Variants in PCDHGA9 observed in about 807,000 individuals in gnomAD.
The protein encoded by PCDHGA9 is protocadherin gamma-A9.
PCDHGA9 carries 37 observed loss-of-function variants against 62.5 expected under a neutral mutation model. That is an observed-to-expected ratio of 0.59 (90% CI 0.46 to 0.78). The LOEUF (loss-of-function observed/expected upper bound fraction) is 0.78, where lower values mean the gene tolerates loss of function less well. Among genes scored for constraint, PCDHGA9 ranks in the 30% least tolerant of loss-of-function variants. The pLI is 0.00. For missense variants in PCDHGA9, 1,138 were observed against 1,166.2 expected, an observed-to-expected ratio of 0.98 and a Z score of 0.35; for synonymous variants, 459 against 484.6, an observed-to-expected ratio of 0.95 and a Z score of 0.69.
chr5:141,430,369 A>G (rs564811230), intron 1 of PCDHGA9, among the ~76,000 whole-genome samples: 1 of 151,582 alleles, frequency 6.6e-6, no homozygotes, highest in East Asian at 1.9e-4. Flanking sequence ...ATTGGGGAAA[A>G]AAAAGCTCAT....
rs2099710219 is a variant in PCDHGA9, at chr5:141,491,289, C to A, written c.2425-3518C>A. On this transcript the variant is annotated intron_variant, in intron 1 of 3. Transcript: ENST00000573521. The surrounding 1 kb of genome is among the most constrained non-coding windows in gnomAD (Gnocchi z 6.9). The stretch of plus-strand genomic sequence containing the variant: ...CCAAATCCAGTGACTTCCTCATACA[C>A]CCTCCTGAGCGTTCAGACCTTACCC... 1 of 1,614,112 alleles carries A rather than the reference C, an allele frequency of 6.2e-7. No homozygotes were observed. Among genetic ancestry groups the A allele is most frequent in the Non-Finnish European group, 8.5e-7 (1 of 1,179,942 alleles).
rs112731052 is a variant in PCDHGA9 at position 141,457,109 on chromosome 5, A to G, written c.2425-37698A>G. ...TATAAGGATACTAATTAAGCAAAAT[A>G]CGACAGCAATGGAAACTCTGTCCAA... is the stretch of plus-strand genomic sequence containing the variant. On this transcript the variant is annotated intron_variant, in intron 1 of 3. Coordinates refer to ENST00000573521, the MANE Select transcript of PCDHGA9 (RefSeq NM_018921.3). 8.3e-3 allele frequency among the ~76,000 whole-genome samples: 1,258 copies of G among 152,360 alleles called. 17 individuals are homozygous for G. Among genetic ancestry groups the G allele is most frequent in the African/African-American group, 0.029 (1,195 of 41,578 alleles).
At chr5:141,415,132 C>T (rs752622569) in intron 1 of PCDHGA9, 4 of 1,613,696 alleles carry the variant, frequency 2.5e-6, no homozygotes, top group Non-Finnish European at 3.4e-6. Flanking sequence ...CGTCCAGGAC[C>T]ACGGCCAGCC....
At position 141,476,193 on chromosome 5, in the gene PCDHGA9, T is replaced by C. The variant is rs1224461188; in HGVS notation, c.2425-18614T>C. On this transcript the variant is annotated intron_variant, in intron 1 of 3. Coordinates refer to ENST00000573521, the MANE Select transcript of PCDHGA9 (RefSeq NM_018921.3). The surrounding 1 kb of genome is among the most constrained non-coding windows in gnomAD (Gnocchi z 7.6). The stretch of plus-strand genomic sequence containing the variant: ...GGAGTTTTGCTTCTGCTTGGTGCCT[T>C]GAACAAGGCTTCCACGGTCATTCAC... The C allele has an allele frequency of 6.2e-7, 1 of 1,613,812 alleles. No homozygotes were observed. Among genetic ancestry groups the C allele is most frequent in the South Asian group, 1.1e-5 (1 of 91,068 alleles).
chr5:141,468,651 G>C (rs2099171216), intron 1 of PCDHGA9: 1 of 152,018 alleles, frequency 6.6e-6, no homozygotes, highest in African/African-American at 2.4e-5. Context: ...CGGATCACAA[G>C]GTCAGGAGAT....
chr5:141,485,408 T>C lies in PCDHGA9; in HGVS notation c.2425-9399T>C. On this transcript the variant is annotated intron_variant, in intron 1 of 3. Transcript: ENST00000573521. The surrounding 1 kb of genome is among the most constrained non-coding windows in gnomAD (Gnocchi z 5.7). ...GAACCAAAGACACTTCCGTGTGGAT[T>C]TGGACAGCGGAGCCCTGCTCATCAA... 1 of 1,614,112 alleles carries C rather than the reference T, an allele frequency of 6.2e-7. No individual in the cohort carries two copies. Among genetic ancestry groups the C allele is most frequent in the Non-Finnish European group, 8.5e-7 (1 of 1,180,034 alleles).
Position 141,487,082 on chromosome 5 carries a change from G to A in PCDHGA9, c.2425-7725G>A, listed in dbSNP as rs2099639361. On this transcript the variant is annotated intron_variant, in intron 1 of 3. Transcript: ENST00000573521. The surrounding 1 kb of genome is among the most constrained non-coding windows in gnomAD (Gnocchi z 5.0). Reference sequence around the variant, plus strand: ...GCGGACGGCTGTTCCTATCCCAGCTGACCTCCCACCACAGAAGCTGGTCAT... The same window carrying A: ...GCGGACGGCTGTTCCTATCCCAGCTAACCTCCCACCACAGAAGCTGGTCAT... The A allele has an allele frequency of 8.1e-6, 13 of 1,614,056 alleles. No individual in the cohort carries two copies. The highest frequency in any genetic ancestry group is 1.1e-5 in the Non-Finnish European group (13 of 1,179,938).
intron 1 of PCDHGA9, among the ~76,000 whole-genome samples, chr5:141,474,250 A>G (rs2099346141): frequency 6.6e-6 from 1 of 152,236 alleles, no homozygotes; most frequent in East Asian, 1.9e-4. Flanking sequence ...GGGGAAAAAA[A>G]GACTGATAAA....
intron 3 of PCDHGA9, 119 bp downstream of exon 3, chr5:141,505,600 G>T: frequency 1.3e-6 from 2 of 1,554,224 alleles, no homozygotes; most frequent in Middle Eastern, 3.4e-4. Context: ...AGATCTTTCG[G>T]CAGGTCTGAA....
intron 1 of PCDHGA9, chr5:141,478,285 T>G (rs1468354835): frequency 6.2e-7 from 1 of 1,614,040 alleles, no homozygotes; most frequent in Non-Finnish European, 8.5e-7. Context: ...GGAAGCAGTC[T>G]AGAGACCTAT....
Position 141,489,169 on chromosome 5 carries a change from C to T in PCDHGA9, c.2425-5638C>T. On this transcript the variant is annotated intron_variant, in intron 1 of 3. Coordinates refer to ENST00000573521, the MANE Select transcript of PCDHGA9 (RefSeq NM_018921.3). This position sits in a 1 kb window ranked among gnomAD's most constrained non-coding sequence, Gnocchi z 4.5. ...GAGACATAAGAGACTTCAGCTGCTG[C>T]ATTCCAAGCCCTGGGTCTACCTTGG... 3 of 1,124,648 alleles carry T rather than the reference C, an allele frequency of 2.7e-6. No individual in the cohort carries two copies. The highest frequency in any genetic ancestry group is 3.8e-6 in the Non-Finnish European group (3 of 783,910). The allele number at this position is 1,124,648 out of a possible 1,614,324, so 69.7% of individuals were successfully genotyped here. A position where few individuals can be genotyped will look rare whatever the true frequency, so the allele number is the denominator to read the frequency against.
chr5:141,464,824 G>A (rs1329087889), intron 1 of PCDHGA9, among the ~76,000 whole-genome samples: 2 of 151,816 alleles, frequency 1.3e-5, no homozygotes, highest in African/African-American at 2.4e-5. Context: ...CTGTAGCCTC[G>A]CACTCCTGGG....
Position 141,438,625 on chromosome 5 carries a change from TATATATATATACAC to T in PCDHGA9, c.2424+33251_2424+33264del, listed in dbSNP as rs1291649000. Among the ~76,000 whole-genome samples, 88 of 46,398 alleles carry T rather than the reference TATATATATATACAC, an allele frequency of 1.9e-3. 1 individual carries two copies. The highest frequency in any genetic ancestry group is 8.6e-3 in the African/African-American group (72 of 8,380). 30.4% of individuals were successfully genotyped at this position (46,398 alleles called of 152,430 possible). A position where few individuals can be genotyped will look rare whatever the true frequency, so the allele number is the denominator to read the frequency against. ...ATATATATATATATATATATATATATATATATATATACACACACACACACACATATATGTATATA... is the reference window on the plus strand; with the variant it reads ...ATATATATATATATATATATATATATACACACACACACATATATGTATATA... On this transcript the variant is annotated intron_variant, in intron 1 of 3. Transcript: ENST00000573521.
intron 1 of PCDHGA9, among the ~76,000 whole-genome samples, chr5:141,483,459 G>A (rs1214951485): frequency 6.6e-6 from 1 of 152,186 alleles, no homozygotes; most frequent in Non-Finnish European, 1.5e-5. Flanking sequence ...AGGACTTGTT[G>A]ATTGACATGA....
chr5:141,420,028 A>C, intron 1 of PCDHGA9: 2 of 1,614,076 alleles, frequency 1.2e-6, no homozygotes, highest in Non-Finnish European at 1.7e-6. Flanking sequence ...GCCCTACTGC[A>C]GGAGACTGCT....
chr5:141,410,699 A>G (rs760193148), intron 1 of PCDHGA9: 1 of 1,478,344 alleles, frequency 6.8e-7, no homozygotes, highest in East Asian at 2.3e-5. Flanking sequence ...CTTTATTTTC[A>G]TATCTAGAAT....
intron 2 of PCDHGA9, among the ~76,000 whole-genome samples, chr5:141,495,943 C>T (rs998665622): frequency 3.9e-5 from 6 of 152,010 alleles, no homozygotes; most frequent in African/African-American, 1.4e-4. Flanking sequence ...GTCTCTGTGC[C>T]TGTTGTCTTT....
At chr5:141,422,880 G>T in intron 1 of PCDHGA9, 1 of 1,614,258 alleles carries the variant, frequency 6.2e-7, no homozygotes, top group East Asian at 2.2e-5. Flanking sequence ...CGCTGAGCCT[G>T]TTCGTGCTGG....
intron 1 of PCDHGA9, chr5:141,419,344 C>T (rs2096363174): frequency 1.9e-6 from 3 of 1,613,732 alleles, no homozygotes; most frequent in Non-Finnish European, 2.5e-6. Flanking sequence ...TTGCCAGCGA[C>T]CTGGAGTCAC....
Sources: allele counts gnomAD v4.1 joint callset (sites outside exome capture counted in the v4.1 genomes callset), GRCh38; gene constraint gnomAD v4.1.1; non-coding constraint Gnocchi (gnomAD v3.1); transcripts MANE v1.5; gene names NCBI Gene and HGNC (gene_info 2026-07-23, HGNC 2026-07-21).